SYNE2: variants seen among roughly 807,000 people sequenced by gnomAD.
SYNE2 encodes the protein spectrin repeat containing nuclear envelope protein 2.
Under a neutral mutation model 856.3 loss-of-function variants are expected in SYNE2, and 431 were observed. The observed-to-expected ratio is 0.50, with a 90% CI of 0.47 to 0.55. The LOEUF (loss-of-function observed/expected upper bound fraction) is 0.55, where lower values mean the gene tolerates loss of function less well. Ranked by LOEUF, SYNE2 falls within the 20% of genes least tolerant of loss-of-function variation. The pLI is 0.00. For synonymous variants in SYNE2, 2,923 were observed against 2,872.3 expected, an observed-to-expected ratio of 1.02 and a Z score of -0.56; for missense variants, 8,129 against 8,023.2, an observed-to-expected ratio of 1.01 and a Z score of -0.50.
At chr14:64,221,754 CAG>C in intron 112 of SYNE2, 50 bp downstream of exon 112, 1 of 1,602,408 alleles carries the variant, frequency 6.2e-7, no homozygotes, top group African/African-American at 1.3e-5. Flanking sequence ...CTGTCAGCCC[CAG>C]AGAGGCAGCA....
rs562535757 is a variant in SYNE2, at chr14:64,021,682, A to G, written c.5352+167A>G. ...TTTTCATCTTTGAATTGCTTTGTGC[A>G]TGATAATTATTTGATATTAACTTGC... On this transcript the variant is annotated intron_variant, in intron 36 of 115. Transcript: ENST00000555002. Among the ~76,000 whole-genome samples, 8 of 152,376 alleles carry G rather than the reference A, an allele frequency of 5.3e-5. No individual in the cohort carries two copies. The East Asian group carries it at 1.5e-3, about 29-fold the overall frequency.
chr14:63,948,772 A>ATATGTG lies in SYNE2; in HGVS notation c.409-1052_409-1051insATGTGT, dbSNP rs1411444415. On this transcript the variant is annotated intron_variant, in intron 6 of 115. Coordinates refer to ENST00000555002, the MANE Select transcript of SYNE2 (RefSeq NM_182914.3). ...TGTGTATATATATGTATATATATGT[A>ATATGTG]TGTGTGTGTGTATATATATATATAT... Among the ~76,000 whole-genome samples, 183 of 54,874 alleles carry ATATGTG rather than the reference A, an allele frequency of 3.3e-3. 5 individuals carry two copies. Among genetic ancestry groups the ATATGTG allele is most frequent in the Middle Eastern group, 0.018 (2 of 110 alleles). 36.0% of individuals were successfully genotyped at this position (54,874 alleles called of 152,430 possible). A position where few individuals can be genotyped will look rare whatever the true frequency, so the allele number is the denominator to read the frequency against.
Position 64,213,017 on chromosome 14 carries a change from G to A in SYNE2, c.19056+12G>A. 6.2e-7 allele frequency: 1 copy of A among 1,612,560 alleles called. No individual in the cohort carries two copies. The highest frequency in any genetic ancestry group is 8.5e-7 in the Non-Finnish European group (1 of 1,179,890). On this transcript the variant is annotated intron_variant, in intron 105 of 115. Coordinates refer to ENST00000555002, the MANE Select transcript of SYNE2 (RefSeq NM_182914.3). Reference sequence around the variant, plus strand: ...CCTCCTGCACTCCGGTACGGGCACTGCTGCCTAGAAATGGCACCTGGGCTG... The same window carrying A: ...CCTCCTGCACTCCGGTACGGGCACTACTGCCTAGAAATGGCACCTGGGCTG...
At chr14:64,017,928 C>G (rs1226219085) in intron 34 of SYNE2, among the ~76,000 whole-genome samples, 172 bp downstream of exon 34, 4 of 152,110 alleles carry the variant, frequency 2.6e-5, no homozygotes, top group Non-Finnish European at 4.4e-5. Context: ...CTTACCAATA[C>G]TTTGAAAGTA....
At chr14:64,111,204 A>G (rs2097803524) in intron 65 of SYNE2, among the ~76,000 whole-genome samples, 1 of 152,026 alleles carries the variant, frequency 6.6e-6, no homozygotes. Flanking sequence ...CATCTCAAAA[A>G]AAAAAAAATG....
At chr14:63,835,496 C>T (rs899060772) in intron 1 of SYNE2, among the ~76,000 whole-genome samples, 3 of 151,924 alleles carry the variant, frequency 2.0e-5, no homozygotes, top group Admixed American at 6.6e-5. Context: ...GCTTCCCAAA[C>T]TGCTGGGATT....
chr14:63,775,749 T>TTTTG (rs576349413), intron 1 of SYNE2, among the ~76,000 whole-genome samples: 65 of 152,122 alleles, frequency 4.3e-4, no homozygotes, highest in African/African-American at 8.9e-4. Context: ...CCCTGGCTAA[T>TTTTG]TTTGTTTGTT....
At chr14:63,800,862 G>C (rs1281503224) in intron 1 of SYNE2, among the ~76,000 whole-genome samples, 1 of 152,056 alleles carries the variant, frequency 6.6e-6, no homozygotes, top group East Asian at 1.9e-4. Flanking sequence ...ATTGGGTACT[G>C]GGCTTAATAC....
chr14:64,077,218 T>A (rs1384211402), intron 54 of SYNE2, among the ~76,000 whole-genome samples: 1 of 152,166 alleles, frequency 6.6e-6, no homozygotes, highest in Non-Finnish European at 1.5e-5. Flanking sequence ...TAACATTGTG[T>A]ATAATTCAAA....
intron 1 of SYNE2, among the ~76,000 whole-genome samples, chr14:63,823,456 T>C (rs945874631): frequency 3.3e-5 from 5 of 151,860 alleles, no homozygotes; most frequent in Non-Finnish European, 5.9e-5. Flanking sequence ...GGATTACAAG[T>C]GTGAGCCACC....
chr14:63,763,912 G>C (rs971088608), intron 1 of SYNE2, among the ~76,000 whole-genome samples: 9 of 152,162 alleles, frequency 5.9e-5, no homozygotes, highest in African/African-American at 2.2e-4. Flanking sequence ...TTCACCTGAA[G>C]CGATCCTCCT....
At chr14:64,125,014 A>G in intron 70 of SYNE2, 65 bp from the exon 71 acceptor site, 2 of 1,598,180 alleles carry the variant, frequency 1.3e-6, no homozygotes, top group Non-Finnish European at 1.7e-6. Flanking sequence ...AAAATAAAAA[A>G]ATAAATTAAT....
intron 86 of SYNE2, 51 bp downstream of exon 86, chr14:64,158,846 T>TG (rs750677148): frequency 6.3e-7 from 1 of 1,593,618 alleles, no homozygotes; most frequent in Non-Finnish European, 8.6e-7. Flanking sequence ...AAATTACAAA[T>TG]GGGAGGAAGC....
intron 38 of SYNE2, chr14:64,023,107 A>C: frequency 9.0e-6 from 4 of 445,950 alleles, no homozygotes; most frequent in Non-Finnish European, 1.6e-5. Context: ...AAATACAAAA[A>C]TTAGCTGGGT....
chr14:63,841,993 C>T (rs762933016), intron 1 of SYNE2, among the ~76,000 whole-genome samples: 12 of 151,366 alleles, frequency 7.9e-5, no homozygotes, highest in South Asian at 4.2e-4. Flanking sequence ...CCACCATGCC[C>T]GGCTAATTTT....
Position 64,003,285 on chromosome 14 carries a change from G to GTAA in SYNE2, c.4353_4355dup (p.Ser1451_Lys1452insAsn). 3 of 1,614,098 alleles carry GTAA rather than the reference G, an allele frequency of 1.9e-6. No homozygotes were observed. The highest frequency in any genetic ancestry group is 1.6e-4 in the Middle Eastern group (1 of 6,062). ...ATTCAAGATGTGCAGAGTCAAATCA[G>GTAA]TAAAATTGGTCTTAAGGATCCTACT... On this transcript the variant is annotated inframe_insertion, in exon 30 of 116. Coordinates refer to ENST00000555002, the MANE Select transcript of SYNE2 (RefSeq NM_182914.3).
intron 96 of SYNE2, among the ~76,000 whole-genome samples, chr14:64,183,517 G>A (rs1005156650): frequency 5.3e-5 from 8 of 152,152 alleles, no homozygotes; most frequent in Admixed American, 2.0e-4. Context: ...ACAGGGTGGC[G>A]GCCGGGCAGA....
At chr14:64,204,755 TGTTA>T (rs1405510744) in intron 100 of SYNE2, among the ~76,000 whole-genome samples, 6 of 152,192 alleles carry the variant, frequency 3.9e-5, no homozygotes, top group African/African-American at 1.4e-4. Context: ...TTAAATGCTG[TGTTA>T]GTTTTCTACT....
At chr14:63,978,692 G>A (rs2096563455) in intron 13 of SYNE2, among the ~76,000 whole-genome samples, 160 bp from the exon 14 acceptor site, 5 of 151,992 alleles carry the variant, frequency 3.3e-5, no homozygotes, top group African/African-American at 9.7e-5. Context: ...CACAGTATTC[G>A]TTTTACAATG....
Sources: gnomAD v4.1 joint callset for allele counts (sites outside exome capture counted in the v4.1 genomes callset) on GRCh38, gnomAD v4.1.1 for gene constraint, MANE v1.5 for transcripts, NCBI Gene and HGNC (gene_info 2026-07-23, HGNC 2026-07-21) for gene names.